Variants in ADGRB2 observed in about 807,000 individuals in gnomAD.
ADGRB2 encodes adhesion G protein-coupled receptor B2.
Under a neutral mutation model 178.7 loss-of-function variants are expected in ADGRB2, and 47 were observed. That is an observed-to-expected ratio of 0.26 (90% CI 0.21 to 0.34). The LOEUF (loss-of-function observed/expected upper bound fraction) is 0.34. Ranked by LOEUF, ADGRB2 falls within the 10% of genes least tolerant of loss-of-function variation. The probability of loss-of-function intolerance (pLI) is 1.00; values close to 1 mark genes in which losing one functional copy is unlikely to be tolerated. For missense variants in ADGRB2, 1,584 were observed against 2,180.8 expected (o/e 0.73, Z 5.45); for synonymous variants, 870 against 912.4 (o/e 0.95, Z 0.84).
rs746135794 is a variant in ADGRB2, at chr1:31,741,834, C to T, written c.1551G>A (p.Glu517=). 6.2e-7 allele frequency: 1 copy of T among 1,601,488 alleles called. No individual in the cohort carries two copies. The highest frequency in any genetic ancestry group is 1.1e-5 in the South Asian group (1 of 89,730). The part of the protein sequence containing the change: ...TQGYPCEGTG[E]EVKPCSEKRC... Reference sequence around the variant, plus strand: ...TCTTCTCACTACAAGGCTTCACCTCCTCTCCGGTGCCCTCGCAGGGGTAGC... The same window carrying T: ...TCTTCTCACTACAAGGCTTCACCTCTTCTCCGGTGCCCTCGCAGGGGTAGC... The change falls in exon 9 of 33, where the codon GAG becomes GAA. Residue 517 remains glutamate, a synonymous_variant. Coordinates refer to ENST00000373658, the MANE Select transcript of ADGRB2 (RefSeq NM_001364857.2). The surrounding 1 kb of genome is among the most constrained non-coding windows in gnomAD (Gnocchi z 6.5).
In ADGRB2 at chr1:31,754,974, C is replaced by T. The variant is rs1646760125; in HGVS notation, c.838+1025G>A. Among the ~76,000 whole-genome samples, 1 of 152,232 alleles carries T rather than the reference C, an allele frequency of 6.6e-6. No homozygotes were observed. Among genetic ancestry groups the T allele is most frequent in the Non-Finnish European group, 1.5e-5 (1 of 68,038 alleles). On this transcript the variant is annotated intron_variant, in intron 4 of 32. Transcript: ENST00000373658. The surrounding 1 kb of genome is among the most constrained non-coding windows in gnomAD (Gnocchi z 5.7). ...ACACTCTCCCAGTGAAATCCAGATG[C>T]CCTTTCCATCCTCTATCCCTGCATC...
intron 1 of ADGRB2, among the ~76,000 whole-genome samples, chr1:31,763,372 T>C (rs1376250436): frequency 6.7e-6 from 1 of 148,830 alleles, no homozygotes; most frequent in African/African-American, 2.5e-5. Flanking sequence ...GGGTAGAAAC[T>C]ATGGGCAGAC....
At chr1:31,747,451 C>G (rs1002637562) in intron 4 of ADGRB2, among the ~76,000 whole-genome samples, 1 of 152,116 alleles carries the variant, frequency 6.6e-6, no homozygotes, top group African/African-American at 2.4e-5. Context: ...ACTCTCAAAT[C>G]TCTACTTGCT....
intron 25 of ADGRB2, among the ~76,000 whole-genome samples, chr1:31,734,892 G>A (rs1645488495): frequency 3.3e-5 from 5 of 152,200 alleles, no homozygotes; most frequent in African/African-American, 9.7e-5. Context: ...AGCCTCTGTA[G>A]GTTGGGGGTG....
chr1:31,745,650 G>A (rs1646234684), intron 4 of ADGRB2, among the ~76,000 whole-genome samples: 1 of 152,196 alleles, frequency 6.6e-6, no homozygotes, highest in Non-Finnish European at 1.5e-5. Flanking sequence ...AGGTGGGACT[G>A]GAAGAGCCTT....
At chr1:31,752,780 C>T (rs1299748961) in intron 4 of ADGRB2, among the ~76,000 whole-genome samples, 1 of 151,984 alleles carries the variant, frequency 6.6e-6, no homozygotes, top group African/African-American at 2.4e-5. Context: ...GGGTGACACA[C>T]AGATAACTGG....
Position 31,758,339 on chromosome 1 carries a change from C to T in ADGRB2, c.-190-828G>A, listed in dbSNP as rs903247053. ...CAGGCCTGTCTCCCTCCACCAGTAGCCTCTGCTCCTTCCCTAGGCTTGCTG... is the reference window on the plus strand; with the variant it reads ...CAGGCCTGTCTCCCTCCACCAGTAGTCTCTGCTCCTTCCCTAGGCTTGCTG... On this transcript the variant is annotated intron_variant, in intron 1 of 32. Transcript: ENST00000373658. This position sits in a 1 kb window ranked among gnomAD's most constrained non-coding sequence, Gnocchi z 4.2. Among the ~76,000 whole-genome samples, 1 of 152,234 alleles carries T rather than the reference C, an allele frequency of 6.6e-6. No homozygotes were observed. Among genetic ancestry groups the T allele is most frequent in the Non-Finnish European group, 1.5e-5 (1 of 68,044 alleles).
At position 31,737,700 on chromosome 1, in the gene ADGRB2, G is replaced by A; in HGVS notation, c.2828C>T (p.Ser943Leu). The change falls in exon 19 of 33, where the codon TCG (serine) becomes TTG (leucine). Residue 943 changes from serine (S) to leucine (L), a missense_variant. Ser to Leu is a moderately radical substitution (Grantham distance 145, BLOSUM62 -2). This residue lies in a region of ADGRB2 where 865 missense variants were observed against 1,192.8 expected (regional missense o/e 0.73). Coordinates refer to ENST00000373658, the MANE Select transcript of ADGRB2 (RefSeq NM_001364857.2). ...GAGCAGGGTGAGCAGCGCCATGCAC[G>A]ACACTGCACAGCCGATCACCAGGGG... The part of the protein sequence containing the change: ...SVPLVIGCAV[S>L]CMALLTLLAI... 1.2e-6 allele frequency: 2 copies of A among 1,613,720 alleles called. No individual in the cohort carries two copies. Among genetic ancestry groups the A allele is most frequent in the Non-Finnish European group, 1.7e-6 (2 of 1,180,028 alleles).
At chr1:31,742,461 G>A (rs1031192020) in intron 7 of ADGRB2, among the ~76,000 whole-genome samples, 2 of 152,178 alleles carry the variant, frequency 1.3e-5, no homozygotes, top group African/African-American at 4.8e-5. Context: ...TTAGCACAAG[G>A]CACAACTCAC....
chr1:31,727,977 A>G lies in ADGRB2; in HGVS notation c.4572+48T>C. On this transcript the variant is annotated intron_variant, in intron 32 of 32. Coordinates refer to ENST00000373658, the MANE Select transcript of ADGRB2 (RefSeq NM_001364857.2). This position sits in a 1 kb window ranked among gnomAD's most constrained non-coding sequence, Gnocchi z 4.4. ...GGAGGGGCAGGAGGGCAGGGAGGGC[A>G]CGGGTCCCTCAGGCCCACCTCACCC... 6.6e-7 allele frequency: 1 copy of G among 1,518,944 alleles called. No homozygotes were observed. Among genetic ancestry groups the G allele is most frequent in the Non-Finnish European group, 8.8e-7 (1 of 1,135,692 alleles). The allele number at this position is 1,518,944 out of a possible 1,614,324, so 94.1% of individuals were successfully genotyped here. A position where few individuals can be genotyped will look rare whatever the true frequency, so the allele number is the denominator to read the frequency against.
rs763830210 is a variant in ADGRB2 at position 31,744,741 on chromosome 1, G to A, written c.839-10C>T. Reference sequence around the variant, plus strand: ...TCTTCCGGCTCCTCACCTGGAACACGGAGGTGGTGGCAGGGGCTCAGCAAA... The same window carrying A: ...TCTTCCGGCTCCTCACCTGGAACACAGAGGTGGTGGCAGGGGCTCAGCAAA... On this transcript the variant is annotated splice_polypyrimidine_tract_variant and intron_variant, in intron 4 of 32. Coordinates refer to ENST00000373658, the MANE Select transcript of ADGRB2 (RefSeq NM_001364857.2). This position sits in a 1 kb window ranked among gnomAD's most constrained non-coding sequence, Gnocchi z 6.7. 4.1e-5 allele frequency: 66 copies of A among 1,613,948 alleles called. No individual in the cohort carries two copies. The highest frequency in any genetic ancestry group is 2.7e-4 in the East Asian group (12 of 44,888).
rs1242656271 is a variant in ADGRB2 at position 31,761,697 on chromosome 1, T to A, written c.-191+2187A>T. Among the ~76,000 whole-genome samples, 1 of 152,156 alleles carries A rather than the reference T, an allele frequency of 6.6e-6. No individual in the cohort carries two copies. Among genetic ancestry groups the A allele is most frequent in the Non-Finnish European group, 1.5e-5 (1 of 68,034 alleles). ...CATACTTTGGGGGAAAAGTGGAGAC[T>A]GGGGGCTAAAGGTGTTTCTGTCTTT... On this transcript the variant is annotated intron_variant, in intron 1 of 32. Transcript: ENST00000373658. This position sits in a 1 kb window ranked among gnomAD's most constrained non-coding sequence, Gnocchi z 4.2.
chr1:31,736,769 G>T (rs1401110288), intron 20 of ADGRB2, 46 bp from the exon 21 acceptor site: 1 of 1,587,470 alleles, frequency 6.3e-7, no homozygotes, highest in Middle Eastern at 1.8e-4. Flanking sequence ...GCAGCCGCCA[G>T]GGCAGGAGGC....
Position 31,738,600 on chromosome 1 carries a change from C to T in ADGRB2, c.2632G>A (p.Asp878Asn). 6.2e-7 allele frequency: 1 copy of T among 1,610,966 alleles called. No homozygotes were observed. Among genetic ancestry groups the T allele is most frequent in the Non-Finnish European group, 8.5e-7 (1 of 1,178,530 alleles). The part of the protein sequence containing the change: ...GTTDPHCASW[D>N]YSRADASSGD... ...CACCCAACTCACGCTCTGGAGTAGT[C>T]CCAGCTGGCGCAATGGGGATCCGTG... The change falls in exon 17 of 33, where the codon GAC (aspartate) becomes AAC (asparagine). Residue 878 changes from aspartate (D) to asparagine (N), a missense_variant. Asp to Asn is a conservative substitution (Grantham distance 23). Around this residue, in one of 3 missense-constraint regions of ADGRB2, gnomAD observed 865 missense variants for 1,192.8 expected, o/e 0.73. Transcript: ENST00000373658.
In ADGRB2 at chr1:31,741,706, C is replaced by T; in HGVS notation, c.1605G>A (p.Arg535=). ...KRCPAFHEMC[R]DEYVMLMTWK... is the part of the protein sequence containing the mutation. ...ACGTCATCAGCATCACGTACTCATC[C>T]CTGCACATCTCATGGAAGGCTGTGG... The change falls in exon 10 of 33, where the codon AGG becomes AGA. Residue 535 remains arginine (R), a synonymous_variant. Transcript: ENST00000373658. The surrounding 1 kb of genome is among the most constrained non-coding windows in gnomAD (Gnocchi z 6.5). 6.2e-7 allele frequency: 1 copy of T among 1,613,872 alleles called. No individual in the cohort carries two copies. The highest frequency in any genetic ancestry group is 8.5e-7 in the Non-Finnish European group (1 of 1,179,818).
At chr1:31,732,725 C>G in intron 26 of ADGRB2, 113 bp from the exon 27 acceptor site, 2 of 1,297,798 alleles carry the variant, frequency 1.5e-6, no homozygotes, top group East Asian at 5.0e-5. Context: ...GGCAACACAT[C>G]CAACCTTGGG....
chr1:31,739,457 G>T lies in ADGRB2; in HGVS notation c.2346C>A (p.Ser782Arg), dbSNP rs1236752900. 6.2e-7 allele frequency: 1 copy of T among 1,606,438 alleles called. No homozygotes were observed. Among genetic ancestry groups the T allele is most frequent in the South Asian group, 1.1e-5 (1 of 89,958 alleles). The change falls in exon 15 of 33, where the codon AGC becomes AGA. Residue 782 changes from serine to arginine, a missense_variant. Ser to Arg is a moderately radical substitution (Grantham distance 110). This residue lies in a region of ADGRB2 where 865 missense variants were observed against 1,192.8 expected (regional missense o/e 0.73). Coordinates refer to ENST00000373658, the MANE Select transcript of ADGRB2 (RefSeq NM_001364857.2). ...TTCCTGGGCCCCTCCCCCTGCCAGG[G>T]CTGCCTGCTGCCCCAGATGTGGCTG... ...GKPATSGAAG[S>R]PGRGRGPGTV...
At position 31,731,247 on chromosome 1, in the gene ADGRB2, C is replaced by G. The variant is rs753631735; in HGVS notation, c.3933G>C (p.Gly1311=). Residue 1311 remains glycine (G), a synonymous_variant, in exon 29 of 33, where the codon GGG becomes GGC. Coordinates refer to ENST00000373658, the MANE Select transcript of ADGRB2 (RefSeq NM_001364857.2). ...NILVPMAASP[G]LGEPPPPQEA... ...CCTGTGGGGGCGGAGGCTCCCCCAG[C>G]CCTGGTGAGGCTGCCATGGGCACCA... 1.9e-5 allele frequency: 31 copies of G among 1,608,278 alleles called. No individual in the cohort carries two copies. Among genetic ancestry groups the G allele is most frequent in the African/African-American group, 4.0e-5 (3 of 74,832 alleles).
At chr1:31,763,553 G>A (rs959409854) in intron 1 of ADGRB2, among the ~76,000 whole-genome samples, 1 of 149,858 alleles carries the variant, frequency 6.7e-6, no homozygotes, top group African/African-American at 2.5e-5. Context: ...GCCGAGATAG[G>A]GAAAGACTCG....
Sources: allele counts gnomAD v4.1 joint callset (sites outside exome capture counted in the v4.1 genomes callset), GRCh38; gene constraint gnomAD v4.1.1; regional missense constraint gnomAD v4.1.1; non-coding constraint Gnocchi (gnomAD v3.1); transcripts MANE v1.5; gene names NCBI Gene and HGNC (gene_info 2026-07-23, HGNC 2026-07-21).